The following TTC14 variants were observed in gnomAD, a reference collection of about 807,000 sequenced individuals.
TTC14 encodes tetratricopeptide repeat protein 14.
In TTC14, 63 loss-of-function variants were observed where a neutral mutation model predicts 79.9. That is an observed-to-expected ratio of 0.79 (90% CI 0.64 to 0.97). The LOEUF is 0.97. Ranked by LOEUF, TTC14 falls within the 50% of genes least tolerant of loss-of-function variation. The pLI is 0.00. For synonymous variants in TTC14, 335 were observed against 309.6 expected, an observed-to-expected ratio of 1.08 and a Z score of -0.86; for missense variants, 895 against 894.0, an observed-to-expected ratio of 1.00 and a Z score of -0.01.
downstream of TTC14, among the ~76,000 whole-genome samples, chr3:180,618,035 G>GT (rs1717313472): frequency 6.6e-6 from 1 of 151,988 alleles, no homozygotes; most frequent in African/African-American, 2.4e-5. Context: ...GTTTAGATTT[G>GT]TTTAGATACA....
chr3:180,609,332 TA>T, intron 11 of TTC14: 2 of 1,010,750 alleles, frequency 2.0e-6, no homozygotes, highest in Non-Finnish European at 2.4e-6. Context: ...GGTAGCCAAA[TA>T]AAAAAGTTGA....
downstream of TTC14, among the ~76,000 whole-genome samples, chr3:180,611,664 G>C (rs960402329): frequency 6.6e-6 from 1 of 152,172 alleles, no homozygotes; most frequent in Admixed American, 6.5e-5. Flanking sequence ...TTGGGAGACA[G>C]ATAGAGATAG....
Position 180,604,566 on chromosome 3 carries a change from A to G in TTC14, c.660A>G (p.Lys220=), listed in dbSNP as rs772612655. Residue 220 remains lysine, a synonymous_variant, in exon 5 of 12, where the codon AAA becomes AAG. Transcript: ENST00000296015. The part of the protein sequence containing the change: ...SSLPPHLSGI[K]LGVISSEELP... ...TTCCACCACACCTATCTGGTATTAA[A>G]TTAGGTGTAATTAGCTCTGAAGAGC... The G allele has an allele frequency of 1.9e-6, 3 of 1,609,444 alleles. No individual in the cohort carries two copies. The highest frequency in any genetic ancestry group is 2.2e-5 in the South Asian group (2 of 90,350).
Position 180,602,204 on chromosome 3 carries a change from C to G in TTC14, c.-58C>G. 2 of 1,588,596 alleles carry G rather than the reference C, an allele frequency of 1.3e-6. No individual in the cohort carries two copies. The highest frequency in any genetic ancestry group is 1.7e-6 in the Non-Finnish European group (2 of 1,167,074). On this transcript the variant is annotated 5_prime_UTR_variant, in exon 1 of 12. Transcript: ENST00000296015. Reference sequence around the variant, plus strand: ...TTCCTGTACCACCCGGCTCAAGTAGCGGACACGGAACAGGGAACTATCAGC... The same window carrying G: ...TTCCTGTACCACCCGGCTCAAGTAGGGGACACGGAACAGGGAACTATCAGC...
At chr3:180,611,622 CCCAAA>C (rs569715764), downstream of TTC14, among the ~76,000 whole-genome samples, 7 of 152,252 alleles carry the variant, frequency 4.6e-5, no homozygotes, top group East Asian at 1.4e-3. Flanking sequence ...AAAGATCCTC[CCCAAA>C]TTGCTGAAAA....
chr3:180,608,619 G>A, intron 10 of TTC14, 82 bp from the exon 11 acceptor site: 1 of 1,370,150 alleles, frequency 7.3e-7, no homozygotes, highest in East Asian at 2.8e-5. Context: ...GTTTCTCGTT[G>A]GGGGTGGTCT....
Position 180,607,766 on chromosome 3 carries a change from G to A in TTC14, c.1290+1G>A, listed in dbSNP as rs1165991754. On this transcript the variant is annotated splice_donor_variant, in intron 10 of 11. Coordinates refer to ENST00000296015, the MANE Select transcript of TTC14 (RefSeq NM_133462.4). LOFTEE classifies it high-confidence loss of function. ...GCAGAAACTTCATAAATATATGCAG[G>A]TGATTCCTTATTTCCTCTTAGAAAT... 1 of 1,605,842 alleles carries A rather than the reference G, an allele frequency of 6.2e-7. No individual in the cohort carries two copies. Among genetic ancestry groups the A allele is most frequent in the Non-Finnish European group, 8.5e-7 (1 of 1,177,642 alleles).
intron 6 of TTC14, chr3:180,605,380 A>G (rs1355134616): frequency 5.1e-6 from 1 of 197,394 alleles, no homozygotes; most frequent in African/African-American, 2.4e-5. Context: ...GGTTCACGCC[A>G]TTCTCCTGCC....
chr3:180,607,980 A>G (rs1425864843), intron 10 of TTC14: 3 of 1,287,654 alleles, frequency 2.3e-6, no homozygotes, highest in Non-Finnish European at 2.9e-6. Context: ...GAAAACTATT[A>G]CCTAAATTTG....
rs371703582 is a variant in TTC14 at position 180,602,245 on chromosome 3, C to T, written c.-17C>T. On this transcript the variant is annotated 5_prime_UTR_variant, in exon 1 of 12. Coordinates refer to ENST00000296015, the MANE Select transcript of TTC14 (RefSeq NM_133462.4). ...AACTATCAGCCCGTCGGCCTCCGGG[C>T]CCTGCATTCTCTAGCCATGGACCGG... 3.8e-5 allele frequency: 61 copies of T among 1,612,930 alleles called. No homozygotes were observed. Among genetic ancestry groups the T allele is most frequent in the Non-Finnish European group, 5.1e-5 (60 of 1,179,620 alleles).
intron 11 of TTC14, 103 bp from the exon 12 acceptor site, chr3:180,609,527 C>G: frequency 1.5e-6 from 2 of 1,360,414 alleles, no homozygotes; most frequent in Non-Finnish European, 1.9e-6. Context: ...ATCTGAACCA[C>G]AGCTTTTATA....
In TTC14 at chr3:180,616,820, C is replaced by T. The variant is rs528695350; in HGVS notation, c.1775-560C>T. The T allele has an allele frequency of 4.7e-5, 76 of 1,608,984 alleles. 1 individual carries two copies. Among genetic ancestry groups the T allele is most frequent in the African/African-American group, 9.3e-5 (7 of 74,896 alleles). On this transcript the variant is annotated intron_variant, in intron 12 of 12. Coordinates refer to the TTC14 transcript ENST00000382584. The stretch of plus-strand genomic sequence containing the variant: ...TGAAAGGTCAGTTTTTAAAAGATAT[C>T]GATACCTGTTTGGTCACTCTTTCTA...
In TTC14 at chr3:180,609,667, A is replaced by G. The variant is rs1266910629; in HGVS notation, c.1438A>G (p.Ser480Gly). The G allele has an allele frequency of 3.2e-6, 5 of 1,581,784 alleles. No individual in the cohort carries two copies. The highest frequency in any genetic ancestry group is 1.2e-5 in the South Asian group (1 of 84,892). Residue 480 changes from serine to glycine, a missense_variant, in exon 12 of 12, where the codon AGT becomes GGT. Transcript: ENST00000296015. ...AAGAAGAAAATCAACTTCTTCTTCAAGTGTTTCTTCTGCTGATGAATCAGT... is the reference window on the plus strand; with the variant it reads ...AAGAAGAAAATCAACTTCTTCTTCAGGTGTTTCTTCTGCTGATGAATCAGT... The part of the protein sequence containing the change: ...KKRRKSTSSS[S>G]VSSADESVSS...
intron 11 of TTC14, chr3:180,609,140 G>A: frequency 1.4e-6 from 1 of 726,956 alleles, no homozygotes; most frequent in Non-Finnish European, 1.7e-6. Context: ...CATTTGACAA[G>A]ATGTGGAGAC....
intron 12 of TTC14, chr3:180,616,930 C>A (rs1486659202): frequency 6.7e-7 from 1 of 1,494,164 alleles, no homozygotes; most frequent in Non-Finnish European, 9.2e-7. Context: ...ACATTATTTG[C>A]CAAATGTTCT....
In TTC14 at chr3:180,616,603, CTG is replaced by C. The variant is rs1007345781; in HGVS notation, c.1775-775_1775-774del. 21 of 1,598,498 alleles carry C rather than the reference CTG, an allele frequency of 1.3e-5. No individual in the cohort carries two copies. The African/African-American group carries it at 1.3e-4, about 10-fold the overall frequency. On this transcript the variant is annotated intron_variant, in intron 12 of 12. Coordinates refer to the TTC14 transcript ENST00000382584. Reference sequence around the variant, plus strand: ...ACATTTCATCAATAACTTTGTGAAACTGTTTCATTTCACGAAGTTTGATGTCT... The same window carrying C: ...ACATTTCATCAATAACTTTGTGAAACTTTCATTTCACGAAGTTTGATGTCT...
chr3:180,610,480 C>T lies in TTC14; in HGVS notation c.2251C>T (p.Leu751=). The T allele has an allele frequency of 1.2e-6, 2 of 1,604,538 alleles. No individual in the cohort carries two copies. Among genetic ancestry groups the T allele is most frequent in the Non-Finnish European group, 1.7e-6 (2 of 1,177,624 alleles). ...SVKKNLPQNL[L]NIFNQIAEFE... is the part of the protein sequence containing the mutation. ...TAAGAAAAATTTACCTCAGAATTTACTGAATATATTTAATCAGATAGCTGA... is the reference window on the plus strand; with the variant it reads ...TAAGAAAAATTTACCTCAGAATTTATTGAATATATTTAATCAGATAGCTGA... The change falls in exon 12 of 12, where the codon CTG becomes TTG. Residue 751 remains leucine, a synonymous_variant. Transcript: ENST00000296015.
At chr3:180,608,363 T>C (rs1716806810) in intron 10 of TTC14, 4 of 987,254 alleles carry the variant, frequency 4.1e-6, no homozygotes, top group Admixed American at 6.1e-5. Flanking sequence ...CCTGTTTAAA[T>C]TTTTCAATCT....
intron 12 of TTC14, chr3:180,616,621 T>C: frequency 6.3e-7 from 1 of 1,596,278 alleles, no homozygotes; most frequent in Non-Finnish European, 8.5e-7. Context: ...TTTCACGAAG[T>C]TTGATGTCTT....
Sources: gnomAD v4.1 joint callset for allele counts (sites outside exome capture counted in the v4.1 genomes callset) on GRCh38, gnomAD v4.1.1 for gene constraint, MANE v1.5 for transcripts, NCBI Gene and HGNC (gene_info 2026-07-23, HGNC 2026-07-21) for gene names.